The following BMPR1B variants were observed in gnomAD, a reference collection of about 807,000 sequenced individuals.
The protein encoded by BMPR1B is bone morphogenetic protein receptor type-1B.
A neutral mutation model predicts 59.1 loss-of-function variants in BMPR1B; 12 were observed. That is an observed-to-expected ratio of 0.20 (90% confidence interval 0.13 to 0.33). BMPR1B has a LOEUF of 0.33. Ranked by LOEUF, BMPR1B falls within the 10% of genes least tolerant of loss-of-function variation. BMPR1B has a pLI of 1.00. For synonymous variants in BMPR1B, 237 were observed against 207.3 expected (o/e 1.14, Z -1.23); for missense variants, 550 against 610.9 (o/e 0.90, Z 1.05).
At chr4:95,000,127 T>C (rs991930462) in intron 3 of BMPR1B, among the ~76,000 whole-genome samples, 1 of 152,192 alleles carries the variant, frequency 6.6e-6, no homozygotes, top group Non-Finnish European at 1.5e-5. Context: ...ACTTATAGTT[T>C]TCTTAATTTA....
intron 2 of BMPR1B, among the ~76,000 whole-genome samples, chr4:94,902,334 A>G (rs966948364): frequency 6.6e-6 from 1 of 151,492 alleles, no homozygotes. Flanking sequence ...TTCATGTAAT[A>G]TAATGCCATT....
intron 1 of BMPR1B, among the ~76,000 whole-genome samples, chr4:94,837,758 C>T (rs1458710413): frequency 7.1e-6 from 1 of 141,538 alleles, no homozygotes; most frequent in Non-Finnish European, 1.6e-5. Flanking sequence ...ATTTCCTTCT[C>T]CTGCCTAATT....
chr4:95,138,771 A>G (rs1343070022), intron 10 of BMPR1B, among the ~76,000 whole-genome samples: 1 of 152,042 alleles, frequency 6.6e-6, no homozygotes, highest in African/African-American at 2.4e-5. Context: ...GTCATTTAAG[A>G]TCTTCTCCAT....
intron 12 of BMPR1B, among the ~76,000 whole-genome samples, chr4:95,153,469 GA>G (rs201486093): frequency 2.7e-5 from 4 of 149,754 alleles, no homozygotes; most frequent in African/African-American, 4.9e-5. Context: ...AGCACCACTG[GA>G]AAAAAAAACA....
intron 2 of BMPR1B, among the ~76,000 whole-genome samples, chr4:94,970,563 T>G (rs945599453): frequency 2.6e-5 from 4 of 152,190 alleles, no homozygotes; most frequent in African/African-American, 9.7e-5. Flanking sequence ...TCTGCCTGCC[T>G]TGGCCTCCCA....
chr4:94,776,500 T>C (rs1327790631), intron 1 of BMPR1B, among the ~76,000 whole-genome samples: 2 of 152,368 alleles, frequency 1.3e-5, no homozygotes, highest in East Asian at 1.9e-4. Context: ...AGTACTCTTA[T>C]TCTCTTTTTT....
intron 1 of BMPR1B, among the ~76,000 whole-genome samples, chr4:94,803,912 T>G (rs1452643011): frequency 6.6e-6 from 1 of 152,210 alleles, no homozygotes; most frequent in Non-Finnish European, 1.5e-5. Flanking sequence ...AGAGTCTTGC[T>G]CTGTTGCCTA....
At chr4:94,842,789 G>C (rs1230854511) in intron 1 of BMPR1B, among the ~76,000 whole-genome samples, 1 of 152,042 alleles carries the variant, frequency 6.6e-6, no homozygotes, top group Non-Finnish European at 1.5e-5. Flanking sequence ...ATAATTATAG[G>C]ATGAAAAATA....
At chr4:94,797,660 CT>C (rs1723246375) in intron 1 of BMPR1B, among the ~76,000 whole-genome samples, 1 of 152,208 alleles carries the variant, frequency 6.6e-6, no homozygotes, top group Non-Finnish European at 1.5e-5. Context: ...CAAGGCTCCC[CT>C]GATGGGTGGA....
intron 2 of BMPR1B, among the ~76,000 whole-genome samples, chr4:94,968,001 A>G (rs1054935857): frequency 6.6e-6 from 1 of 152,214 alleles, no homozygotes; most frequent in Non-Finnish European, 1.5e-5. Context: ...TCTTGAAGGC[A>G]GTGATAATAA....
intron 1 of BMPR1B, among the ~76,000 whole-genome samples, chr4:94,761,954 T>C (rs1198113594): frequency 1.3e-5 from 2 of 152,116 alleles, no homozygotes; most frequent in Non-Finnish European, 2.9e-5. Flanking sequence ...ATAACTTAAA[T>C]TGAGTGAAAA....
chr4:95,010,155 C>T (rs886295573), intron 3 of BMPR1B, among the ~76,000 whole-genome samples: 9 of 152,200 alleles, frequency 5.9e-5, no homozygotes, highest in Admixed American at 5.2e-4. Flanking sequence ...AGGAGGGGCC[C>T]GTTTCAGGGT....
chr4:95,150,737 C>G (rs780165866), intron 11 of BMPR1B, among the ~76,000 whole-genome samples: 6 of 152,222 alleles, frequency 3.9e-5, no homozygotes, highest in South Asian at 2.1e-4. Flanking sequence ...CTAGGGCTGT[C>G]TTTGGATGTG....
chr4:94,986,393 A>G (rs1721408366), intron 2 of BMPR1B, among the ~76,000 whole-genome samples: 1 of 152,208 alleles, frequency 6.6e-6, no homozygotes, highest in African/African-American at 2.4e-5. Context: ...CACCCACTTT[A>G]AAGTAATCTC....
chr4:94,874,715 C>T (rs991799100), intron 1 of BMPR1B, among the ~76,000 whole-genome samples: 20 of 152,120 alleles, frequency 1.3e-4, no homozygotes, highest in South Asian at 8.3e-4. Context: ...TGGCCGGGTG[C>T]GGTGGCTCCT....
At chr4:94,758,455 C>G (rs1004129576) in intron 1 of BMPR1B, among the ~76,000 whole-genome samples, 10 of 151,046 alleles carry the variant, frequency 6.6e-5, no homozygotes, top group African/African-American at 2.4e-4. Context: ...GTCGGACCTG[C>G]GAGCGGAGGG....
At chr4:94,781,018 TAGTCAGAATGA>T (rs890053271) in intron 1 of BMPR1B, among the ~76,000 whole-genome samples, 1 of 152,110 alleles carries the variant, frequency 6.6e-6, no homozygotes, top group African/African-American at 2.4e-5. Context: ...ATAGCTATTG[TAGTCAGAATGA>T]AGTACTGTGT....
chr4:94,866,709 C>G (rs989672583), intron 1 of BMPR1B, among the ~76,000 whole-genome samples: 3 of 152,080 alleles, frequency 2.0e-5, no homozygotes, highest in Admixed American at 6.5e-5. Flanking sequence ...TTCAGCCTCC[C>G]AAGTAGCTGG....
chr4:94,939,123 G>GT (rs1729422306), intron 2 of BMPR1B, among the ~76,000 whole-genome samples: 1 of 152,064 alleles, frequency 6.6e-6, no homozygotes, highest in Non-Finnish European at 1.5e-5. Context: ...TGTTTTTAGG[G>GT]CTCTGACATC....
Sources: gnomAD v4.1 joint callset for allele counts (sites outside exome capture counted in the v4.1 genomes callset) on GRCh38, gnomAD v4.1.1 for gene constraint, MANE v1.5 for transcripts, NCBI Gene and HGNC (gene_info 2026-07-23, HGNC 2026-07-21) for gene names.